Variants in LAMA2 observed in about 807,000 individuals in gnomAD.
LAMA2 encodes laminin subunit alpha 2, also known as laminin subunit alpha-2.
In LAMA2, 269 loss-of-function variants were observed where a neutral mutation model predicts 364.8. The ratio of observed to expected loss-of-function variants is 0.74; its 90% CI spans 0.67 to 0.82. The LOEUF is 0.82. Among genes scored for constraint, LAMA2 ranks in the 40% least tolerant of loss-of-function variants. LAMA2 has a pLI of 0.00. For missense variants in LAMA2, 3,807 were observed against 3,873.2 expected, an observed-to-expected ratio of 0.98 and a Z score of 0.45; for synonymous variants, 1,379 against 1,370.6, an observed-to-expected ratio of 1.01 and a Z score of -0.14.
intron 4 of LAMA2, among the ~76,000 whole-genome samples, chr6:129,111,036 A>G (rs1776128992): frequency 6.6e-6 from 1 of 152,054 alleles, no homozygotes; most frequent in Admixed American, 6.6e-5. Context: ...CTATTTCAAC[A>G]CTAGAGCTAT....
chr6:129,492,997 T>C (rs1398205152), intron 58 of LAMA2, among the ~76,000 whole-genome samples: 1 of 151,812 alleles, frequency 6.6e-6, no homozygotes, highest in Non-Finnish European at 1.5e-5. Context: ...TCTTCTAAAA[T>C]ACAAAAAAAT....
intron 30 of LAMA2, 73 bp downstream of exon 30, chr6:129,342,540 T>TGAGAAATATAACCATATTTCCCAATCA: frequency 6.8e-7 from 1 of 1,474,420 alleles, no homozygotes; most frequent in Non-Finnish European, 9.2e-7. Flanking sequence ...TGTCTATGAT[T>TGAGAAATATAACCATATTTCCCAATCA]TGGCTATTTT....
chr6:129,323,930 C>T (rs913134553), intron 28 of LAMA2, among the ~76,000 whole-genome samples: 3 of 152,206 alleles, frequency 2.0e-5, no homozygotes, highest in Non-Finnish European at 4.4e-5. Flanking sequence ...GAAGCTGTCC[C>T]TTGTGGCTAT....
intron 10 of LAMA2, 57 bp from the exon 11 acceptor site, chr6:129,190,148 A>G: frequency 6.4e-7 from 1 of 1,557,632 alleles, no homozygotes; most frequent in Non-Finnish European, 8.8e-7. Context: ...ACAGACATGG[A>G]CGCAGCTCAT....
intron 31 of LAMA2, among the ~76,000 whole-genome samples, chr6:129,352,564 T>C (rs59174664): frequency 0.097 from 14,808 of 152,246 alleles, 935 homozygotes; most frequent in African/African-American, 0.16. Context: ...TAATGGGTTG[T>C]ATTATTTGGT....
At chr6:129,359,547 C>T (rs1462487498) in intron 32 of LAMA2, among the ~76,000 whole-genome samples, 1 of 140,206 alleles carries the variant, frequency 7.1e-6, no homozygotes. Context: ...GTAAAAGTTT[C>T]TTTTTGAAGG....
chr6:129,283,947 C>T (rs1788914659), intron 18 of LAMA2, among the ~76,000 whole-genome samples: 1 of 152,020 alleles, frequency 6.6e-6, no homozygotes, highest in Non-Finnish European at 1.5e-5. Context: ...AGAGGCCACT[C>T]ATATGTGGTT....
chr6:129,410,151 GTTCA>G (rs1780457186), intron 40 of LAMA2, among the ~76,000 whole-genome samples: 1 of 152,078 alleles, frequency 6.6e-6, no homozygotes, highest in Admixed American at 6.5e-5. Context: ...GAATTCCATA[GTTCA>G]GATTCTTCAA....
At chr6:129,423,836 C>T (rs1781197324) in intron 40 of LAMA2, among the ~76,000 whole-genome samples, 1 of 152,060 alleles carries the variant, frequency 6.6e-6, no homozygotes, top group Admixed American at 6.6e-5. Context: ...CTAGTTTATA[C>T]ATATTGACCT....
At chr6:129,247,307 C>G (rs1785818796) in intron 12 of LAMA2, among the ~76,000 whole-genome samples, 1 of 152,018 alleles carries the variant, frequency 6.6e-6, no homozygotes, top group African/African-American at 2.4e-5. Context: ...AAAAATTATG[C>G]AGTCATGATG....
chr6:129,250,532 T>G (rs1172814724), intron 13 of LAMA2, among the ~76,000 whole-genome samples: 2 of 152,226 alleles, frequency 1.3e-5, no homozygotes, highest in African/African-American at 2.4e-5. Context: ...GTTGTGTTTT[T>G]CCTGTTTTCT....
At position 129,401,287 on chromosome 6, in the gene LAMA2, G is replaced by T. The variant is rs749423866; in HGVS notation, c.5509G>T (p.Asp1837Tyr). Residue 1837 changes from aspartate (D) to tyrosine (Y), a missense_variant, in exon 38 of 65, where the codon GAC becomes TAC. By Grantham distance (160) the Asp-to-Tyr change is radical. This residue lies in a region of LAMA2 where 3,333 missense variants were observed against 3,345.7 expected (regional missense o/e 1.00). Transcript: ENST00000421865. ...QIENTLKEGNDILDEANRLAD... is the reference protein window; with the variant it reads ...QIENTLKEGNYILDEANRLAD... The stretch of plus-strand genomic sequence containing the variant: ...TGAGAACACTTTAAAAGAGGGCAAT[G>T]ACATACTCGATGAAGCCAACCGTCT... 7 of 1,612,932 alleles carry T rather than the reference G, an allele frequency of 4.3e-6. No individual in the cohort carries two copies. In the African/African-American group the frequency reaches 6.7e-5, roughly 15 times the overall value.
At chr6:129,488,347 A>C (rs2114852537) in intron 56 of LAMA2, among the ~76,000 whole-genome samples, 1 of 152,322 alleles carries the variant, frequency 6.6e-6, no homozygotes, top group East Asian at 1.9e-4. Flanking sequence ...TTAAACTTTA[A>C]GGAATTTCAA....
At position 129,297,581 on chromosome 6, in the gene LAMA2, C is replaced by T. The variant is rs1382308844; in HGVS notation, c.2857-104C>T. ...TAACATCAGTGAGGAATCCTGATAA[C>T]TCCTAAGTTCCTCTGTTCCCACCTG... On this transcript the variant is annotated intron_variant, in intron 20 of 64. Coordinates refer to ENST00000421865, the MANE Select transcript of LAMA2 (RefSeq NM_000426.4). 3.2e-5 allele frequency: 33 copies of T among 1,047,032 alleles called. 2 individuals carry two copies. The highest frequency in any genetic ancestry group is 2.4e-4 in the South Asian group (18 of 74,064). The allele number at this position is 1,047,032 out of a possible 1,614,324, so 64.9% of individuals were successfully genotyped here. A position where few individuals can be genotyped will look rare whatever the true frequency, so the allele number is the denominator to read the frequency against.
At chr6:129,202,948 C>T (rs946536568) in intron 12 of LAMA2, among the ~76,000 whole-genome samples, 3 of 152,162 alleles carry the variant, frequency 2.0e-5, no homozygotes, top group African/African-American at 7.2e-5. Flanking sequence ...AATAGCAATG[C>T]TTTGTCACTA....
chr6:129,339,775 C>A (rs1051667697), intron 29 of LAMA2, among the ~76,000 whole-genome samples: 1 of 152,056 alleles, frequency 6.6e-6, no homozygotes, highest in Non-Finnish European at 1.5e-5. Context: ...GAGGCCAGGG[C>A]AGGCAGATCA....
chr6:129,135,871 AC>A (rs1777761810), intron 4 of LAMA2, among the ~76,000 whole-genome samples: 1 of 152,162 alleles, frequency 6.6e-6, no homozygotes, highest in Admixed American at 6.5e-5. Context: ...TATTTTGACA[AC>A]TCTTCTTTTA....
rs1452320834 is a variant in LAMA2, at chr6:129,427,639, G to T, written c.5866-113G>T. On this transcript the variant is annotated intron_variant, in intron 40 of 64. Transcript: ENST00000421865. ...GCTAATAATTTACAATTCTATATCT[G>T]CAGCCCAGAGCTCTTTCCTAAAGGC... 1.7e-5 allele frequency: 13 copies of T among 762,636 alleles called. No individual in the cohort carries two copies. The East Asian group carries it at 2.9e-4, about 17-fold the overall frequency. The allele number at this position is 762,636 out of a possible 1,614,324, so 47.2% of individuals were successfully genotyped here.
At chr6:129,032,005 A>G (rs1786264195) in intron 1 of LAMA2, among the ~76,000 whole-genome samples, 1 of 152,044 alleles carries the variant, frequency 6.6e-6, no homozygotes, top group Non-Finnish European at 1.5e-5. Flanking sequence ...TTTTTAGTAG[A>G]GACAGGGTTT....
Sources: gnomAD v4.1 joint callset for allele counts (sites outside exome capture counted in the v4.1 genomes callset) on GRCh38, gnomAD v4.1.1 for gene constraint, gnomAD v4.1.1 regional missense constraint, MANE v1.5 for transcripts, NCBI Gene and HGNC (gene_info 2026-07-23, HGNC 2026-07-21) for gene names.